MIDEAS: variants seen among roughly 807,000 people sequenced by gnomAD.
The protein encoded by MIDEAS is mitotic deacetylase associated SANT domain protein, also known as mitotic deacetylase-associated SANT domain protein.
Under a neutral mutation model 102.7 loss-of-function variants are expected in MIDEAS, and 26 were observed. The ratio of observed to expected loss-of-function variants is 0.25; its 90% CI spans 0.19 to 0.35. The LOEUF (loss-of-function observed/expected upper bound fraction) is 0.35, where lower values mean the gene tolerates loss of function less well. Among genes scored for constraint, MIDEAS ranks in the 10% least tolerant of loss-of-function variants. MIDEAS has a pLI of 1.00. For synonymous variants in MIDEAS, 585 were observed against 591.0 expected, an observed-to-expected ratio of 0.99 and a Z score of 0.15; for missense variants, 1,231 against 1,435.6, an observed-to-expected ratio of 0.86 and a Z score of 2.30.
Position 73,726,070 on chromosome 14 carries a change from C to A in MIDEAS, c.2448G>T (p.Arg816=). The A allele has an allele frequency of 6.3e-7, 1 of 1,598,918 alleles. No individual in the cohort carries two copies. Among genetic ancestry groups the A allele is most frequent in the Non-Finnish European group, 8.5e-7 (1 of 1,173,732 alleles). Residue 816 remains arginine (R), a synonymous_variant, in exon 8 of 13, where the codon CGG becomes CGT. Coordinates refer to ENST00000423556, the MANE Select transcript of MIDEAS (RefSeq NM_001367710.1). The part of the protein sequence containing the change: ...LNKLLLKKPL[R]PHNHPLATYH... Reference sequence around the variant, plus strand: ...AAGTTGCCAGCGGATGGTTGTGGGGCCGCAGGGGCTTCTTCAGCAGCAGCT... The same window carrying A: ...AAGTTGCCAGCGGATGGTTGTGGGGACGCAGGGGCTTCTTCAGCAGCAGCT...
intron 1 of MIDEAS, among the ~76,000 whole-genome samples, chr14:73,779,251 C>T (rs2053722846): frequency 6.6e-6 from 1 of 151,092 alleles, no homozygotes; most frequent in Non-Finnish European, 1.5e-5. Flanking sequence ...AAAAATTAGC[C>T]GGGTGTGGTG....
intron 1 of MIDEAS, among the ~76,000 whole-genome samples, chr14:73,749,775 A>G (rs1377963810): frequency 6.6e-6 from 1 of 152,090 alleles, no homozygotes; most frequent in Non-Finnish European, 1.5e-5. Context: ...CAGGAAACGA[A>G]GGTTAAAAGT....
chr14:73,738,495 GCAGCCGCC>G (rs72365435), intron 2 of MIDEAS, 57 bp downstream of exon 2: 277,110 of 1,435,652 alleles, frequency 0.19, 28,052 homozygotes, highest in South Asian at 0.29. Context: ...AGCAAATCCT[GCAGCCGCC>G]CACCTATCAG....
In MIDEAS at chr14:73,739,726, C is replaced by T. The variant is rs772877670; in HGVS notation, c.283G>A (p.Val95Ile). 3.0e-5 allele frequency: 49 copies of T among 1,613,822 alleles called. No individual in the cohort carries two copies. Among genetic ancestry groups the T allele is most frequent in the Non-Finnish European group, 2.6e-5 (31 of 1,180,038 alleles). The change falls in exon 2 of 13, where the codon GTA (valine) becomes ATA (isoleucine). Residue 95 changes from valine (V) to isoleucine (I), a missense_variant. Val to Ile is a conservative substitution (Grantham distance 29, BLOSUM62 3). Transcript: ENST00000423556. ...AAMLSQQVASVKWPNSVMAPG... is the reference protein window; with the variant it reads ...AAMLSQQVASIKWPNSVMAPG... ...GCCATCACAGAGTTGGGCCACTTTA[C>T]TGAGGCCACCTGCTGGGACAGCATG...
intron 1 of MIDEAS, among the ~76,000 whole-genome samples, chr14:73,779,575 T>TTC (rs1566611803): frequency 7.4e-6 from 1 of 135,640 alleles, no homozygotes; most frequent in African/African-American, 2.8e-5. Flanking sequence ...TTATTATTAT[T>TTC]TTTTTTTTTT....
chr14:73,787,282 C>T (rs2053824319), upstream of MIDEAS: 1 of 148,574 alleles, frequency 6.7e-6, no homozygotes, highest in Admixed American at 6.7e-5. Flanking sequence ...GCGCGCAGGG[C>T]CCTGCAGCCA....
At chr14:73,762,478 G>A (rs770394699), upstream of MIDEAS, among the ~76,000 whole-genome samples, 1 of 152,146 alleles carries the variant, frequency 6.6e-6, no homozygotes, top group Non-Finnish European at 1.5e-5. Flanking sequence ...GGAGAGAGAA[G>A]AAAAGGGGCA....
intron 1 of MIDEAS, among the ~76,000 whole-genome samples, chr14:73,782,124 G>A (rs2053763167): frequency 6.6e-6 from 1 of 152,114 alleles, no homozygotes; most frequent in Non-Finnish European, 1.5e-5. Context: ...TTTATAGTAT[G>A]TGAATTATTT....
chr14:73,737,729 T>G (rs141871559), intron 2 of MIDEAS, among the ~76,000 whole-genome samples: 147 of 150,926 alleles, frequency 9.7e-4, no homozygotes, highest in African/African-American at 3.5e-3. Context: ...CTCCCAGTGG[T>G]CTCACAACTT....
intron 3 of MIDEAS, 103 bp from the exon 4 acceptor site, chr14:73,730,088 C>A (rs759588441): frequency 3.4e-6 from 4 of 1,186,140 alleles, no homozygotes; most frequent in Non-Finnish European, 4.9e-6. Context: ...CTTAGTCTGC[C>A]TACCACACCC....
intron 1 of MIDEAS, among the ~76,000 whole-genome samples, chr14:73,751,087 G>A (rs61677154): frequency 0.052 from 7,907 of 152,304 alleles, 206 homozygotes; most frequent in Middle Eastern, 0.092. Context: ...CTTGCCTCAA[G>A]GGATCCTCCC....
Position 73,726,649 on chromosome 14 carries a change from C to T in MIDEAS, c.2364G>A (p.Gln788=). The T allele has an allele frequency of 6.2e-7, 1 of 1,614,254 alleles. No individual in the cohort carries two copies. Among genetic ancestry groups the T allele is most frequent in the Non-Finnish European group, 8.5e-7 (1 of 1,180,048 alleles). The change falls in exon 7 of 13, where the codon CAG becomes CAA. Residue 788 remains glutamine (Q), a synonymous_variant. Coordinates refer to ENST00000423556, the MANE Select transcript of MIDEAS (RefSeq NM_001367710.1). ...SSIFPGAGTN[Q]ELALHCLHES... ...CGTGCAGACAGTGCAGGGCCAGCTC[C>T]TGGTTGGTGCCAGCACCAGGGAAAA...
At chr14:73,771,779 T>C (rs1235886151) in intron 1 of MIDEAS, among the ~76,000 whole-genome samples, 1 of 152,178 alleles carries the variant, frequency 6.6e-6, no homozygotes, top group East Asian at 1.9e-4. Context: ...AGCAACTAAA[T>C]TCAACACTTC....
intron 5 of MIDEAS, 61 bp downstream of exon 5, chr14:73,727,397 T>A: frequency 6.3e-7 from 1 of 1,574,850 alleles, no homozygotes. Context: ...AGGGCCCACC[T>A]GCACACACTG....
chr14:73,753,762 G>A (rs534289421), intron 1 of MIDEAS, among the ~76,000 whole-genome samples: 41 of 152,250 alleles, frequency 2.7e-4, no homozygotes, highest in African/African-American at 9.1e-4. Context: ...CAGAGCTTCC[G>A]GCCTACAGAC....
chr14:73,737,802 CA>C lies in MIDEAS; in HGVS notation c.1450-506del, dbSNP rs751131652. ...TTTTTTTTTTTTTTTTTTTTGGAGA[CA>C]GGGGGTCTCACTCTGTCACCCAGGT... is the stretch of plus-strand genomic sequence containing the variant. On this transcript the variant is annotated intron_variant, in intron 2 of 12. Transcript: ENST00000423556. Among the ~76,000 whole-genome samples the C allele has an allele frequency of 3.2e-3, 355 of 111,962 alleles. 1 individual carries two copies. Among genetic ancestry groups the C allele is most frequent in the Non-Finnish European group, 4.8e-3 (265 of 55,314 alleles). The allele number at this position is 111,962 out of a possible 152,430, so 73.5% of individuals were successfully genotyped here.
At chr14:73,781,735 A>AAC (rs2053759348) in intron 1 of MIDEAS, among the ~76,000 whole-genome samples, 1 of 14,350 alleles carries the variant, frequency 7.0e-5, no homozygotes, top group African/African-American at 7.2e-4. Context: ...ACTCTGTCTC[A>AAC]AAAAAAAAAA....
At chr14:73,732,582 T>TG (rs558460541) in intron 3 of MIDEAS, among the ~76,000 whole-genome samples, 129 of 152,046 alleles carry the variant, frequency 8.5e-4, no homozygotes, top group Non-Finnish European at 1.1e-3. Context: ...AGTCAGGAGT[T>TG]GGAGACCAGC....
chr14:73,718,574 G>A lies in MIDEAS; in HGVS notation c.*269C>T, dbSNP rs2052929029. On this transcript the variant is annotated 3_prime_UTR_variant, in exon 13 of 13. Coordinates refer to ENST00000423556, the MANE Select transcript of MIDEAS (RefSeq NM_001367710.1). The stretch of plus-strand genomic sequence containing the variant: ...TGAGAGGCGGTGGAGTCCCTCCCGA[G>A]GGGACCGGGACTCTCCCGGTCCAGG... 6.1e-6 allele frequency: 2 copies of A among 325,574 alleles called. No homozygotes were observed. The highest frequency in any genetic ancestry group is 1.1e-5 in the Non-Finnish European group (2 of 180,734). The allele number at this position is 325,574 out of a possible 1,614,324, so 20.2% of individuals were successfully genotyped here. A position where few individuals can be genotyped will look rare whatever the true frequency, so the allele number is the denominator to read the frequency against.
Sources: gnomAD v4.1 joint callset for allele counts (sites outside exome capture counted in the v4.1 genomes callset) on GRCh38, gnomAD v4.1.1 for gene constraint, MANE v1.5 for transcripts, NCBI Gene and HGNC (gene_info 2026-07-23, HGNC 2026-07-21) for gene names.